Variants in LHFPL3 observed in about 807,000 individuals in gnomAD.
LHFPL3 encodes the protein LHFPL tetraspan subfamily member 3.
In LHFPL3, 5 loss-of-function variants were observed where a neutral mutation model predicts 19.3. The ratio of observed to expected loss-of-function variants is 0.26; its 90% CI spans 0.14 to 0.54. The LOEUF (loss-of-function observed/expected upper bound fraction) is 0.54. LHFPL3 is among the 20% of genes least tolerant of loss of function. The pLI is 0.94. For missense variants in LHFPL3, 249 were observed against 307.4 expected (o/e 0.81, Z 1.42); for synonymous variants, 133 against 126.2 (o/e 1.05, Z -0.36).
chr7:104,476,177 C>G (rs1793012525), intron 1 of LHFPL3, among the ~76,000 whole-genome samples: 1 of 152,144 alleles, frequency 6.6e-6, no homozygotes, highest in Admixed American at 6.5e-5. Context: ...ATGATGATTA[C>G]AGGAAAATAA....
intron 2 of LHFPL3, among the ~76,000 whole-genome samples, chr7:104,893,846 G>A (rs985913303): frequency 6.6e-6 from 1 of 151,948 alleles, no homozygotes; most frequent in African/African-American, 2.4e-5. Context: ...CAGCTACTCA[G>A]GAGGCTGACG....
intron 1 of LHFPL3, among the ~76,000 whole-genome samples, chr7:104,593,003 AT>A (rs563769282): frequency 1.3e-5 from 2 of 151,902 alleles, no homozygotes; most frequent in African/African-American, 2.4e-5. Context: ...GGATTCATTG[AT>A]TTTTTTTGAA....
intron 2 of LHFPL3, among the ~76,000 whole-genome samples, chr7:104,866,095 C>A (rs898441300): frequency 3.0e-4 from 46 of 152,182 alleles, no homozygotes; most frequent in Non-Finnish European, 6.0e-4. Flanking sequence ...TGGAGAGAAA[C>A]AAGCGGTCCC....
intron 1 of LHFPL3, among the ~76,000 whole-genome samples, chr7:104,433,772 C>T (rs1792046010): frequency 1.3e-5 from 2 of 152,124 alleles, no homozygotes; most frequent in African/African-American, 4.8e-5. Context: ...TTTCCTTGAA[C>T]TTAGCCCTGT....
At chr7:104,372,594 C>T (rs1790636521) in intron 1 of LHFPL3, among the ~76,000 whole-genome samples, 2 of 152,150 alleles carry the variant, frequency 1.3e-5, no homozygotes, top group South Asian at 4.1e-4. Context: ...ATATGAGCTC[C>T]ACCATTCAGT....
In LHFPL3 at chr7:104,632,006, G is replaced by A. The variant is rs550192190; in HGVS notation, c.446-104669G>A. On this transcript the variant is annotated intron_variant, in intron 1 of 2. Coordinates refer to ENST00000424859, the MANE Select transcript of LHFPL3 (RefSeq NM_199000.3). ...ATCAGGGACTGCTTTAGGAGGCAGT[G>A]AGTGACCTGTCTTTGGATAGGGATG... Among the ~76,000 whole-genome samples the A allele has an allele frequency of 3.8e-4, 58 of 152,294 alleles. No individual in the cohort carries two copies. In the East Asian group the frequency reaches 0.011, roughly 28 times the overall value.
chr7:104,491,862 A>G (rs13234705), intron 1 of LHFPL3, among the ~76,000 whole-genome samples: 56,423 of 152,120 alleles, frequency 0.37, 11,781 homozygotes, highest in Middle Eastern at 0.52. Flanking sequence ...TGACCAACAC[A>G]GAACACAAAA....
intron 1 of LHFPL3, among the ~76,000 whole-genome samples, chr7:104,331,538 C>CAT (rs10625465): frequency 0.58 from 88,546 of 151,828 alleles, 27,055 homozygotes; most frequent in African/African-American, 0.78. Flanking sequence ...TAAGGAATAA[C>CAT]ATAGAAGATA....
At chr7:104,859,459 A>AG (rs1791573265) in intron 2 of LHFPL3, among the ~76,000 whole-genome samples, 1 of 151,888 alleles carries the variant, frequency 6.6e-6, no homozygotes, top group Non-Finnish European at 1.5e-5. Flanking sequence ...ACTTGAGGTC[A>AG]GGAGTTCAAG....
At chr7:104,387,068 T>C (rs1790961256) in intron 1 of LHFPL3, among the ~76,000 whole-genome samples, 1 of 152,064 alleles carries the variant, frequency 6.6e-6, no homozygotes, top group Admixed American at 6.6e-5. Flanking sequence ...AGACTTTAAA[T>C]CAGCTATTAC....
chr7:104,693,964 G>C (rs956407941), intron 1 of LHFPL3, among the ~76,000 whole-genome samples: 1 of 152,010 alleles, frequency 6.6e-6, no homozygotes, highest in Non-Finnish European at 1.5e-5. Flanking sequence ...ACTCAGTCTC[G>C]GGTATTTCTT....
intron 1 of LHFPL3, among the ~76,000 whole-genome samples, chr7:104,364,275 G>A (rs1790443782): frequency 1.3e-5 from 2 of 152,220 alleles, no homozygotes; most frequent in Admixed American, 1.3e-4. Flanking sequence ...GGGGGGACTT[G>A]TTTACTAGTA....
rs1020555660 is a variant in LHFPL3 at position 104,898,715 on chromosome 7, G to A, written c.683-7472G>A. Among the ~76,000 whole-genome samples the A allele has an allele frequency of 5.9e-5, 9 of 152,270 alleles. No individual in the cohort carries two copies. In the East Asian group the frequency reaches 1.5e-3, roughly 26 times the overall value. On this transcript the variant is annotated intron_variant, in intron 2 of 2. Coordinates refer to ENST00000424859, the MANE Select transcript of LHFPL3 (RefSeq NM_199000.3). ...CATGCCTGTAATCCCAGCACTCCGGGAGGCTGAGGTGGGAGAACTGCTTGA... is the reference window on the plus strand; with the variant it reads ...CATGCCTGTAATCCCAGCACTCCGGAAGGCTGAGGTGGGAGAACTGCTTGA...
intron 1 of LHFPL3, among the ~76,000 whole-genome samples, chr7:104,383,804 T>G (rs768694065): frequency 1.3e-5 from 2 of 151,994 alleles, no homozygotes; most frequent in Non-Finnish European, 2.9e-5. Context: ...TTAGGGGGAG[T>G]GAAGAAGGTC....
intron 2 of LHFPL3, among the ~76,000 whole-genome samples, chr7:104,761,595 G>A (rs1794372642): frequency 6.6e-6 from 1 of 151,930 alleles, no homozygotes; most frequent in African/African-American, 2.4e-5. Flanking sequence ...GGTAGAAAAA[G>A]GGAAAAAACA....
intron 1 of LHFPL3, among the ~76,000 whole-genome samples, chr7:104,655,889 T>A (rs57671714): frequency 0.39 from 59,477 of 152,068 alleles, 12,264 homozygotes; most frequent in East Asian, 0.62. Flanking sequence ...TTATTATGTT[T>A]TTGTTGCCAG....
intron 2 of LHFPL3, among the ~76,000 whole-genome samples, chr7:104,794,187 A>G: frequency 6.6e-6 from 1 of 152,230 alleles, no homozygotes; most frequent in East Asian, 1.9e-4. Context: ...CTAAATAGCC[A>G]ACAAATTTTG....
At chr7:104,720,372 C>T (rs1015195102) in intron 1 of LHFPL3, among the ~76,000 whole-genome samples, 16 of 152,066 alleles carry the variant, frequency 1.1e-4, no homozygotes, top group African/African-American at 3.9e-4. Context: ...CTTCCTTATA[C>T]CTTATACAAA....
intron 1 of LHFPL3, among the ~76,000 whole-genome samples, chr7:104,583,462 G>A (rs1288325914): frequency 6.6e-6 from 1 of 152,128 alleles, no homozygotes; most frequent in Non-Finnish European, 1.5e-5. Context: ...TGACAAATGG[G>A]ATCTAATTAA....
Sources: gnomAD v4.1 joint callset for allele counts (sites outside exome capture counted in the v4.1 genomes callset) on GRCh38, gnomAD v4.1.1 for gene constraint, MANE v1.5 for transcripts, NCBI Gene and HGNC (gene_info 2026-07-23, HGNC 2026-07-21) for gene names.